The following GRB7 variants were observed in gnomAD, a reference collection of about 807,000 sequenced individuals.
GRB7 encodes growth factor receptor bound protein 7.
Under a neutral mutation model 64.1 loss-of-function variants are expected in GRB7, and 47 were observed. That is an observed-to-expected ratio of 0.73 (90% CI 0.58 to 0.94). The LOEUF is 0.94. Ranked by LOEUF, GRB7 falls within the 40% of genes least tolerant of loss-of-function variation. The pLI is 0.00. For missense variants in GRB7, 634 were observed against 718.4 expected (o/e 0.88, Z 1.34); for synonymous variants, 277 against 279.9 (o/e 0.99, Z 0.10).
intron 1 of GRB7, chr17:39,739,010 C>G (rs747659997): frequency 9.3e-5 from 94 of 1,016,214 alleles, no homozygotes; most frequent in Non-Finnish European, 1.3e-4. Flanking sequence ...GCGGTGGGGC[C>G]TGGGGAGAGT....
intron 11 of GRB7, 29 bp downstream of exon 11, chr17:39,745,567 G>C: frequency 6.3e-7 from 1 of 1,578,814 alleles, no homozygotes; most frequent in Non-Finnish European, 8.7e-7. Context: ...GTGTGTGTTT[G>C]TGCTGGGGAC....
intron 1 of GRB7, among the ~76,000 whole-genome samples, chr17:39,739,252 C>T (rs2059975804): frequency 6.7e-6 from 1 of 150,224 alleles, no homozygotes; most frequent in Admixed American, 6.6e-5. Flanking sequence ...CTACTGTATG[C>T]TTGGTGGGGG....
At chr17:39,743,600 G>A in intron 6 of GRB7, 130 bp downstream of exon 6, 5 of 741,904 alleles carry the variant, frequency 6.7e-6, no homozygotes, top group South Asian at 6.1e-5. Context: ...TGTGACTGGG[G>A]ACAGTCACTT....
At position 39,746,876 on chromosome 17, in the gene GRB7, C is replaced by T. The variant is rs1376336514; in HGVS notation, c.1578C>T (p.Cys526=). 6.2e-7 allele frequency: 1 copy of T among 1,611,040 alleles called. No homozygotes were observed. The highest frequency in any genetic ancestry group is 2.2e-5 in the East Asian group (1 of 44,876). Residue 526 remains cysteine (C), a synonymous_variant, in exon 15 of 15, where the codon TGC becomes TGT. Transcript: ENST00000309156. The part of the protein sequence containing the change: ...RGILPCLLRH[C]CTRVAL The stretch of plus-strand genomic sequence containing the variant: ...TCCTGCCGTGCTTGCTGCGCCATTG[C>T]TGCACGCGGGTGGCCCTCTGACCAG...
intron 1 of GRB7, among the ~76,000 whole-genome samples, chr17:39,741,185 C>T (rs940164635): frequency 1.3e-5 from 2 of 152,148 alleles, no homozygotes; most frequent in East Asian, 3.8e-4. Flanking sequence ...GTGGATAGGA[C>T]AGGTGCACAG....
chr17:39,745,086 C>T, intron 9 of GRB7, 102 bp downstream of exon 9: 6 of 1,127,958 alleles, frequency 5.3e-6, no homozygotes, highest in Non-Finnish European at 7.8e-6. Context: ...CAGCCTTGCT[C>T]TCTGATAACC....
intron 14 of GRB7, 43 bp downstream of exon 14, chr17:39,746,245 G>T (rs770912812): frequency 2.0e-6 from 3 of 1,515,856 alleles, no homozygotes; most frequent in South Asian, 1.1e-5. Context: ...TGAGACACAG[G>T]ACTCCCAGCA....
Position 39,745,297 on chromosome 17 carries a change from C to A in GRB7, c.1066C>A (p.Pro356Thr). Residue 356 changes from proline (P) to threonine (T), a missense_variant, in exon 10 of 15, where the codon CCA becomes ACA. Physicochemically the swap from Pro to Thr is conservative, Grantham distance 38. This residue lies in a region of GRB7 where 467 missense variants were observed against 576.6 expected (regional missense o/e 0.81). Coordinates refer to ENST00000309156, the MANE Select transcript of GRB7 (RefSeq NM_005310.5). ...GCAGGCACAGTCTCGCCATCTGCAT[C>A]CATCTTGTTTGGGCTCCCCACCCTT... Reference protein sequence around the residue: ...YQQAQSRHLHPSCLGSPPLRS... With the variant: ...YQQAQSRHLHTSCLGSPPLRS... The A allele has an allele frequency of 6.2e-7, 1 of 1,612,858 alleles. No homozygotes were observed. Among genetic ancestry groups the A allele is most frequent in the Non-Finnish European group, 8.5e-7 (1 of 1,179,264 alleles).
In GRB7 at chr17:39,742,290, T is replaced by G. The variant is rs2952142; in HGVS notation, c.-12T>G. 1.9e-6 allele frequency: 3 copies of G among 1,614,096 alleles called. No individual in the cohort carries two copies. Among genetic ancestry groups the G allele is most frequent in the Non-Finnish European group, 2.5e-6 (3 of 1,179,984 alleles). On this transcript the variant is annotated 5_prime_UTR_variant, in exon 2 of 15. Coordinates refer to ENST00000309156, the MANE Select transcript of GRB7 (RefSeq NM_005310.5). ...AACTGGTTCCGTTAAGCCCCTCTCT[T>G]GCTCAGACGCCATGGAGCTGGATCT...
At chr17:39,743,964 A>G (rs2060020009) in intron 6 of GRB7, 106 bp from the exon 7 acceptor site, 5 of 1,426,188 alleles carry the variant, frequency 3.5e-6, no homozygotes, top group Non-Finnish European at 4.8e-6. Flanking sequence ...CCGCACTAGC[A>G]TGAGACCCTG....
intron 9 of GRB7, 83 bp from the exon 10 acceptor site, chr17:39,745,160 G>T: frequency 1.6e-6 from 2 of 1,283,362 alleles, no homozygotes; most frequent in Non-Finnish European, 2.2e-6. Context: ...CCTGGTCTGG[G>T]CAAGTCCTGG....
chr17:39,744,087 C>T lies in GRB7; in HGVS notation c.681C>T (p.Gly227=), dbSNP rs375032471. Residue 227 remains glycine, a synonymous_variant, in exon 7 of 15, where the codon GGC becomes GGT. Coordinates refer to ENST00000309156, the MANE Select transcript of GRB7 (RefSeq NM_005310.5). ...EDLIQNFLNA[G]SFPEIQGFLQ... ...TGGCTCAGAACTTCCTGAATGCTGG[C>T]AGCTTTCCTGAGATCCAGGGCTTTC... The T allele has an allele frequency of 9.3e-6, 15 of 1,614,180 alleles. No homozygotes were observed. The highest frequency in any genetic ancestry group is 1.3e-5 in the Non-Finnish European group (15 of 1,180,016).
In GRB7 at chr17:39,742,549, T is replaced by G. The variant is rs764613094; in HGVS notation, c.156-17T>G. 1.9e-6 allele frequency: 3 copies of G among 1,613,784 alleles called. No individual in the cohort carries two copies. In the Admixed American group the frequency reaches 5.0e-5, roughly 27 times the overall value. ...CTCCCTTCCCCACACCTCTCTCCCTTTTTCTTCTTGCCACAGGAAACTTCG... is the reference window on the plus strand; with the variant it reads ...CTCCCTTCCCCACACCTCTCTCCCTGTTTCTTCTTGCCACAGGAAACTTCG... On this transcript the variant is annotated splice_polypyrimidine_tract_variant and intron_variant, in intron 2 of 14. Coordinates refer to ENST00000309156, the MANE Select transcript of GRB7 (RefSeq NM_005310.5).
At chr17:39,744,712 C>T in intron 8 of GRB7, 49 bp downstream of exon 8, 1 of 1,498,250 alleles carries the variant, frequency 6.7e-7, no homozygotes, top group Non-Finnish European at 9.1e-7. Flanking sequence ...GCAGGAACTG[C>T]TCAGGCCCCT....
chr17:39,744,408 T>G, intron 7 of GRB7, 145 bp from the exon 8 acceptor site: 1 of 845,850 alleles, frequency 1.2e-6, no homozygotes, highest in Admixed American at 2.4e-5. Context: ...TTAGTTTAAG[T>G]CCTGGCTCTA....
chr17:39,743,302 G>A lies in GRB7; in HGVS notation c.585+1G>A. 1 of 1,614,220 alleles carries A rather than the reference G, an allele frequency of 6.2e-7. No homozygotes were observed. Among genetic ancestry groups the A allele is most frequent in the Non-Finnish European group, 8.5e-7 (1 of 1,180,030 alleles). On this transcript the variant is annotated splice_donor_variant, in intron 5 of 14. Transcript: ENST00000309156. LOFTEE classifies it high-confidence loss of function. Reference sequence around the variant, plus strand: ...GTACGAACTGTTCAAGAGCTCCCCAGTGAGTGCATGAGGGCTGTCTGGGCG... The same window carrying A: ...GTACGAACTGTTCAAGAGCTCCCCAATGAGTGCATGAGGGCTGTCTGGGCG...
intron 1 of GRB7, chr17:39,738,896 C>T: frequency 1.3e-5 from 20 of 1,534,956 alleles, no homozygotes; most frequent in Non-Finnish European, 1.7e-5. Flanking sequence ...ACACCGCCTC[C>T]GGCCCTCCGA....
At chr17:39,744,854 A>G in intron 8 of GRB7, 32 bp from the exon 9 acceptor site, 1 of 1,560,228 alleles carries the variant, frequency 6.4e-7, no homozygotes, top group African/African-American at 1.4e-5. Context: ...CTAAAGGCAG[A>G]TATGGGACCA....
Position 39,742,398 on chromosome 17 carries a change from A to G in GRB7, c.97A>G (p.Thr33Ala), listed in dbSNP as rs371080159. The G allele has an allele frequency of 5.9e-5, 95 of 1,613,160 alleles. No homozygotes were observed. Among genetic ancestry groups the G allele is most frequent in the Non-Finnish European group, 7.8e-5 (92 of 1,179,904 alleles). Residue 33 changes from threonine (T) to alanine (A), a missense_variant, in exon 2 of 15, where the codon ACC (threonine) becomes GCC (alanine). Around this residue, in one of 2 missense-constraint regions of GRB7, gnomAD observed 167 missense variants for 141.9 expected, o/e 1.18. Transcript: ENST00000309156. Reference protein sequence around the residue: ...TPPGTPRPPDTPLPEEVKRSQ... With the variant: ...TPPGTPRPPDAPLPEEVKRSQ... ...TCCTGGGACTCCCCGGCCCCCTGAT[A>G]CCCCTCTGCCTGAGGAGGTAAAGAG...
Sources: gnomAD v4.1 joint callset for allele counts (sites outside exome capture counted in the v4.1 genomes callset) on GRCh38, gnomAD v4.1.1 for gene constraint, gnomAD v4.1.1 regional missense constraint, MANE v1.5 for transcripts, NCBI Gene and HGNC (gene_info 2026-07-23, HGNC 2026-07-21) for gene names.